PAN3: variants seen among roughly 807,000 people sequenced by gnomAD.
PAN3 encodes poly(A) specific ribonuclease subunit PAN3.
A neutral mutation model predicts 96.2 loss-of-function variants in PAN3; 19 were observed. The ratio of observed to expected loss-of-function variants is 0.20; its 90% CI spans 0.14 to 0.29. The LOEUF (loss-of-function observed/expected upper bound fraction) is 0.29. Among genes scored for constraint, PAN3 ranks in the 10% least tolerant of loss-of-function variants. The pLI, the probability that PAN3 is intolerant of heterozygous loss-of-function variation, is 1.00. For synonymous variants in PAN3, 433 were observed against 406.6 expected (o/e 1.06, Z -0.78); for missense variants, 882 against 1,108.1 (o/e 0.80, Z 2.90).
intron 9 of PAN3, among the ~76,000 whole-genome samples, chr13:28,263,832 A>G (rs547212342): frequency 3.9e-5 from 6 of 152,264 alleles, no homozygotes; most frequent in African/African-American, 1.4e-4. Context: ...CTACATTTGT[A>G]GCGATGATAA....
chr13:28,151,219 TAA>T (rs1461687624), intron 1 of PAN3, among the ~76,000 whole-genome samples: 1 of 152,072 alleles, frequency 6.6e-6, no homozygotes, highest in Non-Finnish European at 1.5e-5. Flanking sequence ...TCTAAGGTTT[TAA>T]AAGAGTTCTG....
chr13:28,290,203 A>G (rs1347468302), intron 18 of PAN3, among the ~76,000 whole-genome samples: 2 of 152,254 alleles, frequency 1.3e-5, no homozygotes, highest in East Asian at 1.9e-4. Context: ...CTCTTGGTCT[A>G]AACTTTCCTA....
Position 28,287,986 on chromosome 13 carries a change from T to G in PAN3, c.2387T>G (p.Phe796Cys). 1 of 1,607,466 alleles carries G rather than the reference T, an allele frequency of 6.2e-7. No individual in the cohort carries two copies. Among genetic ancestry groups the G allele is most frequent in the Non-Finnish European group, 8.5e-7 (1 of 1,178,000 alleles). ...KLGTINERPE[F>C]QKDPTWSETG... ...GGTAAAATGTTCATTTCCCCCAGGT[T>G]TCAGAAGGATCCCACTTGGTCAGAG... is the stretch of plus-strand genomic sequence containing the variant. The change falls in exon 18 of 19, where the codon TTT becomes TGT. Residue 796 changes from phenylalanine to cysteine, a missense_variant and splice_region_variant. Coordinates refer to ENST00000380958, the MANE Select transcript of PAN3 (RefSeq NM_175854.8).
chr13:28,243,495 T>A (rs1215811038), intron 6 of PAN3, among the ~76,000 whole-genome samples: 2 of 152,252 alleles, frequency 1.3e-5, no homozygotes, highest in Non-Finnish European at 2.9e-5. Context: ...CTTGCCATTA[T>A]CATAATGAAA....
intron 1 of PAN3, among the ~76,000 whole-genome samples, chr13:28,149,121 G>A (rs937263446): frequency 6.6e-5 from 10 of 152,124 alleles, no homozygotes; most frequent in South Asian, 6.2e-4. Context: ...TTGGAAGGCC[G>A]AGACAGGAAG....
intron 5 of PAN3, among the ~76,000 whole-genome samples, chr13:28,207,039 TCA>T (rs1487885413): frequency 6.6e-6 from 1 of 152,108 alleles, no homozygotes; most frequent in African/African-American, 2.4e-5. Context: ...CCTCCCCCTC[TCA>T]CAGAGGCAGG....
At chr13:28,192,885 C>T (rs968876454) in intron 4 of PAN3, among the ~76,000 whole-genome samples, 8 of 152,096 alleles carry the variant, frequency 5.3e-5, no homozygotes, top group African/African-American at 1.2e-4. Flanking sequence ...TGTAATCTTT[C>T]GCCTCACCAT....
chr13:28,223,717 A>G (rs771874549), intron 6 of PAN3, among the ~76,000 whole-genome samples: 2 of 151,994 alleles, frequency 1.3e-5, no homozygotes, highest in Non-Finnish European at 2.9e-5. Context: ...CAGTAAGAAT[A>G]CTTTTAAGTA....
chr13:28,228,018 C>T (rs925880674), intron 6 of PAN3, among the ~76,000 whole-genome samples: 1 of 152,226 alleles, frequency 6.6e-6, no homozygotes, highest in African/African-American at 2.4e-5. Context: ...AGATGTCGAT[C>T]TTCCTTCCAC....
intron 5 of PAN3, among the ~76,000 whole-genome samples, chr13:28,205,230 A>G (rs1879206024): frequency 6.6e-6 from 1 of 152,050 alleles, no homozygotes; most frequent in Admixed American, 6.5e-5. Context: ...TTTTGATGCA[A>G]TGGATTGGAC....
chr13:28,279,863 C>T (rs763783996), intron 15 of PAN3, among the ~76,000 whole-genome samples: 9 of 151,004 alleles, frequency 6.0e-5, no homozygotes, highest in Non-Finnish European at 1.0e-4. Flanking sequence ...GCAGTGGTGC[C>T]ATCTCAGCTC....
In PAN3 at chr13:28,197,280, C is replaced by G. The variant is rs1252935366; in HGVS notation, c.786C>G (p.Asp262Glu). 6.2e-7 allele frequency: 1 copy of G among 1,612,586 alleles called. No individual in the cohort carries two copies. Among genetic ancestry groups the G allele is most frequent in the East Asian group, 2.2e-5 (1 of 44,804 alleles). The change falls in exon 5 of 19, where the codon GAC becomes GAG. Residue 262 changes from aspartate to glutamate, a missense_variant. Coordinates refer to ENST00000380958, the MANE Select transcript of PAN3 (RefSeq NM_175854.8). Reference protein sequence around the residue: ...KAKNPIGCLADRCKSGVPINM... With the variant: ...KAKNPIGCLAERCKSGVPINM... Reference sequence around the variant, plus strand: ...AGAACCCTATTGGCTGCCTTGCTGACAGGTGTAAATCAGGAGTACCCATCA... The same window carrying G: ...AGAACCCTATTGGCTGCCTTGCTGAGAGGTGTAAATCAGGAGTACCCATCA...
intron 14 of PAN3, among the ~76,000 whole-genome samples, chr13:28,272,572 C>G (rs922944733): frequency 7.0e-6 from 1 of 143,152 alleles, no homozygotes; most frequent in Admixed American, 7.0e-5. Flanking sequence ...GTCAGAGACT[C>G]TTTTTTTTTT....
In PAN3 at chr13:28,138,647, G is replaced by C; in HGVS notation, c.-11G>C. 1 of 574,898 alleles carries C rather than the reference G, an allele frequency of 1.7e-6. No homozygotes were observed. Among genetic ancestry groups the C allele is most frequent in the Non-Finnish European group, 2.7e-6 (1 of 365,776 alleles). 35.6% of individuals were successfully genotyped at this position (574,898 alleles called of 1,614,324 possible). A position where few individuals can be genotyped will look rare whatever the true frequency, so the allele number is the denominator to read the frequency against. On this transcript the variant is annotated 5_prime_UTR_variant, in exon 1 of 19. Transcript: ENST00000380958. Reference sequence around the variant, plus strand: ...TCGGGCGGCGGCGGAAGACGAGGCTGCGGCGTTGCCATGAACAGTGGCGGC... The same window carrying C: ...TCGGGCGGCGGCGGAAGACGAGGCTCCGGCGTTGCCATGAACAGTGGCGGC...
intron 6 of PAN3, among the ~76,000 whole-genome samples, chr13:28,233,543 A>G (rs1882804620): frequency 6.6e-6 from 1 of 152,220 alleles, no homozygotes; most frequent in Non-Finnish European, 1.5e-5. Flanking sequence ...TTGGGATTAC[A>G]GGCATGAGCC....
At chr13:28,248,670 G>A (rs1045039024) in intron 6 of PAN3, among the ~76,000 whole-genome samples, 3 of 152,070 alleles carry the variant, frequency 2.0e-5, no homozygotes, top group Non-Finnish European at 4.4e-5. Context: ...GACTACAGGC[G>A]CATACCACCA....
chr13:28,172,354 G>A (rs1188914275), intron 1 of PAN3, among the ~76,000 whole-genome samples: 2 of 152,092 alleles, frequency 1.3e-5, no homozygotes, highest in African/African-American at 4.8e-5. Flanking sequence ...TATTCGGGAG[G>A]CTGAGGCAAG....
At chr13:28,242,551 T>G (rs537097182) in intron 6 of PAN3, among the ~76,000 whole-genome samples, 2 of 152,168 alleles carry the variant, frequency 1.3e-5, no homozygotes, top group African/African-American at 4.8e-5. Flanking sequence ...TTTTTAGATA[T>G]GGGTGTCAAG....
intron 5 of PAN3, among the ~76,000 whole-genome samples, chr13:28,211,274 C>G (rs1164488766): frequency 6.6e-6 from 1 of 152,130 alleles, no homozygotes; most frequent in Non-Finnish European, 1.5e-5. Flanking sequence ...GTCTTTCTTT[C>G]TCATTATTAG....
Sources: allele counts gnomAD v4.1 joint callset (sites outside exome capture counted in the v4.1 genomes callset), GRCh38; gene constraint gnomAD v4.1.1; transcripts MANE v1.5; gene names NCBI Gene and HGNC (gene_info 2026-07-23, HGNC 2026-07-21).